The following SLCO3A1 variants were observed in gnomAD, a reference collection of about 807,000 sequenced individuals.
The protein encoded by SLCO3A1 is PGE1 transporter.
A neutral mutation model predicts 63.1 loss-of-function variants in SLCO3A1; 27 were observed. That is an observed-to-expected ratio of 0.43 (90% confidence interval 0.32 to 0.59). The LOEUF (loss-of-function observed/expected upper bound fraction) is 0.59, where lower values mean the gene tolerates loss of function less well. SLCO3A1 is among the 20% of genes least tolerant of loss of function. The pLI is 0.09. For synonymous variants in SLCO3A1, 473 were observed against 409.9 expected (o/e 1.15, Z -1.86); for missense variants, 773 against 945.8 (o/e 0.82, Z 2.40).
intron 2 of SLCO3A1, among the ~76,000 whole-genome samples, chr15:92,093,222 A>G (rs537329688): frequency 6.6e-6 from 1 of 152,238 alleles, no homozygotes; most frequent in Admixed American, 6.5e-5. Context: ...CAGTACCGGA[A>G]GCATGGTGTT....
At chr15:92,102,995 GT>G (rs1199181205) in intron 3 of SLCO3A1, among the ~76,000 whole-genome samples, 2 of 152,204 alleles carry the variant, frequency 1.3e-5, no homozygotes, top group East Asian at 3.8e-4. Context: ...TATGGGGAAG[GT>G]TGGCTGGAAC....
intron 1 of SLCO3A1, among the ~76,000 whole-genome samples, chr15:91,881,072 TG>T (rs1897571197): frequency 6.6e-6 from 1 of 152,188 alleles, no homozygotes; most frequent in African/African-American, 2.4e-5. Context: ...CCTGCATTCA[TG>T]TATCTGCATT....
At chr15:92,160,535 G>A (rs1449419586) in intron 9 of SLCO3A1, among the ~76,000 whole-genome samples, 2 of 152,128 alleles carry the variant, frequency 1.3e-5, no homozygotes, top group East Asian at 3.9e-4. Flanking sequence ...CCTGGCAGCT[G>A]GAAAGAAGGA....
intron 2 of SLCO3A1, among the ~76,000 whole-genome samples, chr15:92,085,783 T>C (rs2047397487): frequency 6.6e-6 from 1 of 152,182 alleles, no homozygotes; most frequent in African/African-American, 2.4e-5. Flanking sequence ...GGACCCTCCC[T>C]TCCCCCGACA....
chr15:92,060,577 G>T (rs1188085160), intron 2 of SLCO3A1, among the ~76,000 whole-genome samples: 2 of 150,936 alleles, frequency 1.3e-5, no homozygotes, highest in Non-Finnish European at 2.9e-5. Flanking sequence ...TCGGCTCACT[G>T]CAACCTCCGC....
intron 2 of SLCO3A1, among the ~76,000 whole-genome samples, chr15:92,068,462 C>T (rs975200699): frequency 2.0e-5 from 3 of 152,200 alleles, no homozygotes; most frequent in Non-Finnish European, 4.4e-5. Flanking sequence ...ATAGCCCAAC[C>T]ACACTGGGAT....
chr15:92,090,046 A>G (rs908982140), intron 2 of SLCO3A1, among the ~76,000 whole-genome samples: 2 of 152,190 alleles, frequency 1.3e-5, no homozygotes, highest in Admixed American at 6.5e-5. Flanking sequence ...AAATATATAT[A>G]TATTTTAGTC....
rs2048113113 is a variant in SLCO3A1, at chr15:92,140,267, T to G, written c.1513-6717T>G. Among the ~76,000 whole-genome samples, 2 of 136,908 alleles carry G rather than the reference T, an allele frequency of 1.5e-5. 1 individual carries two copies. The highest frequency in any genetic ancestry group is 4.1e-4 in the East Asian group (2 of 4,828). The allele number at this position is 136,908 out of a possible 152,430, so 89.8% of individuals were successfully genotyped here. On this transcript the variant is annotated intron_variant, in intron 7 of 9. Transcript: ENST00000318445. Reference sequence around the variant, plus strand: ...AGTCATTCAGGAGCAGGTTGTTCAGTTTCCATGTAGTTGAGCGGTTTTGAG... The same window carrying G: ...AGTCATTCAGGAGCAGGTTGTTCAGGTTCCATGTAGTTGAGCGGTTTTGAG...
downstream of SLCO3A1, among the ~76,000 whole-genome samples, chr15:92,167,395 C>G (rs933977347): frequency 2.6e-5 from 4 of 152,234 alleles, no homozygotes; most frequent in African/African-American, 9.6e-5. Flanking sequence ...GCCAACTTTT[C>G]CAAGAGAGGG....
intron 1 of SLCO3A1, among the ~76,000 whole-genome samples, chr15:91,857,544 G>A (rs1755054706): frequency 1.3e-5 from 2 of 152,080 alleles, no homozygotes; most frequent in African/African-American, 4.8e-5. Context: ...TTTTGGCTTC[G>A]AGTGGCTCCA....
intron 2 of SLCO3A1, among the ~76,000 whole-genome samples, chr15:92,076,882 G>A (rs1009534118): frequency 1.3e-5 from 2 of 152,154 alleles, no homozygotes; most frequent in Non-Finnish European, 2.9e-5. Context: ...TATGAGATTG[G>A]GGAGTGTATT....
At chr15:92,057,190 A>G (rs781248627) in intron 2 of SLCO3A1, among the ~76,000 whole-genome samples, 4 of 152,172 alleles carry the variant, frequency 2.6e-5, no homozygotes, top group Non-Finnish European at 5.9e-5. Flanking sequence ...CCTGATTGCC[A>G]CCTGGACTGC....
chr15:92,152,059 A>G (rs2048312291), intron 9 of SLCO3A1, among the ~76,000 whole-genome samples: 1 of 152,232 alleles, frequency 6.6e-6, no homozygotes, highest in Non-Finnish European at 1.5e-5. Context: ...GGGGAAAAAC[A>G]GGTCTGTAAT....
intron 2 of SLCO3A1, among the ~76,000 whole-genome samples, chr15:92,072,299 T>C (rs1328714305): frequency 6.6e-6 from 1 of 152,050 alleles, no homozygotes; most frequent in African/African-American, 2.4e-5. Flanking sequence ...ACCTTTGTTT[T>C]CTTTTTCTTT....
rs563686065 is a variant in SLCO3A1 at position 92,102,742 on chromosome 15, G to A, written c.746-1537G>A. On this transcript the variant is annotated intron_variant, in intron 3 of 9. Transcript: ENST00000318445. The stretch of plus-strand genomic sequence containing the variant: ...CCACTTGCTACCTACTGGAAGAGCT[G>A]GTGGCCTTAGGCTCATGGCACAAAG... 2.2e-4 allele frequency among the ~76,000 whole-genome samples: 34 copies of A among 152,262 alleles called. No homozygotes were observed. In the East Asian group the frequency reaches 6.4e-3, roughly 29 times the overall value.
intron 9 of SLCO3A1, among the ~76,000 whole-genome samples, chr15:92,158,716 G>A (rs544066100): frequency 6.6e-5 from 10 of 152,282 alleles, no homozygotes; most frequent in African/African-American, 2.2e-4. Context: ...ACTCCCTTCT[G>A]TGACTCATCA....
intron 2 of SLCO3A1, among the ~76,000 whole-genome samples, chr15:91,964,743 G>C (rs796204736): frequency 2.9e-5 from 4 of 136,022 alleles, no homozygotes; most frequent in African/African-American, 1.2e-4. Context: ...AAATTAGATA[G>C]TTTTTTTTTT....
intron 2 of SLCO3A1, among the ~76,000 whole-genome samples, chr15:91,959,458 G>A (rs966481007): frequency 1.3e-5 from 2 of 152,090 alleles, no homozygotes; most frequent in Middle Eastern, 3.4e-3. Context: ...GGCTGGGCAC[G>A]GTGGCTCACA....
chr15:92,043,135 C>T (rs1438059538), intron 2 of SLCO3A1, among the ~76,000 whole-genome samples: 5 of 130,176 alleles, frequency 3.8e-5, no homozygotes, highest in African/African-American at 1.5e-4. Flanking sequence ...CAACTACTAA[C>T]TGTGTTTGCT....
Sources: gnomAD v4.1 joint callset for allele counts (sites outside exome capture counted in the v4.1 genomes callset) on GRCh38, gnomAD v4.1.1 for gene constraint, MANE v1.5 for transcripts, NCBI Gene and HGNC (gene_info 2026-07-23, HGNC 2026-07-21) for gene names.